The following CEP63 variants were observed in gnomAD, a reference collection of about 807,000 sequenced individuals.
CEP63 encodes centrosomal protein 63.
A neutral mutation model predicts 89.1 loss-of-function variants in CEP63; 84 were observed. That is an observed-to-expected ratio of 0.94 (90% confidence interval 0.79 to 1.13). The LOEUF is 1.13. Among genes scored for constraint, CEP63 ranks in the 50% most tolerant of loss-of-function variants. The pLI is 0.00. For missense variants in CEP63, 838 were observed against 813.3 expected (o/e 1.03, Z -0.37); for synonymous variants, 267 against 272.5 (o/e 0.98, Z 0.20).
At chr3:134,759,647 C>T in the CEP63 span, among the ~76,000 whole-genome samples, 1 of 152,130 alleles carries the variant, frequency 6.6e-6, no homozygotes, top group Non-Finnish European at 1.5e-5. Context: ...TGCTAAGGGG[C>T]AGGGGTCTCT....
At chr3:134,582,434 G>T (rs1232431444) in intron 10 of CEP63, among the ~76,000 whole-genome samples, 2 of 152,024 alleles carry the variant, frequency 1.3e-5, no homozygotes, top group Admixed American at 6.6e-5. Flanking sequence ...GTAATGTTTG[G>T]TTCTCTGTCC....
chr3:134,516,477 C>A (rs970092774), intron 3 of CEP63, among the ~76,000 whole-genome samples: 1 of 152,134 alleles, frequency 6.6e-6, no homozygotes, highest in African/African-American at 2.4e-5. Flanking sequence ...CAGCACAGAC[C>A]CTTTACGGGT....
chr3:134,711,066 A>C, the CEP63 span, among the ~76,000 whole-genome samples: 3 of 152,082 alleles, frequency 2.0e-5, no homozygotes, highest in Non-Finnish European at 2.9e-5. Flanking sequence ...CCAAAATTTT[A>C]TGTACACACA....
the CEP63 span, chr3:134,620,797 C>T: frequency 6.2e-7 from 1 of 1,613,588 alleles, no homozygotes; most frequent in African/African-American, 1.3e-5. Context: ...CTTTCCAGGT[C>T]AGTGTGGGCC....
At chr3:134,756,972 A>G in the CEP63 span, among the ~76,000 whole-genome samples, 1 of 152,188 alleles carries the variant, frequency 6.6e-6, no homozygotes, top group African/African-American at 2.4e-5. Context: ...TAGACCCTGC[A>G]CATGTCTGGG....
chr3:134,725,096 A>G, the CEP63 span, among the ~76,000 whole-genome samples: 1 of 152,204 alleles, frequency 6.6e-6, no homozygotes, highest in Admixed American at 6.5e-5. Flanking sequence ...ACCTGTAAGA[A>G]AAAAAGCATT....
At chr3:134,697,228 A>T in the CEP63 span, among the ~76,000 whole-genome samples, 1 of 152,268 alleles carries the variant, frequency 6.6e-6, no homozygotes, top group Non-Finnish European at 1.5e-5. Flanking sequence ...TAAAACTAGC[A>T]TCAAGGACAG....
the CEP63 span, among the ~76,000 whole-genome samples, chr3:134,642,865 A>G: frequency 6.6e-6 from 1 of 152,216 alleles, no homozygotes; most frequent in Non-Finnish European, 1.5e-5. Flanking sequence ...TCTTGAACAC[A>G]TGACAGCCTT....
the CEP63 span, chr3:134,608,001 C>T: frequency 5.8e-6 from 6 of 1,036,872 alleles, no homozygotes; most frequent in Non-Finnish European, 7.0e-6. Flanking sequence ...TAGGCCTGTT[C>T]TCCTCTCCCA....
the CEP63 span, chr3:134,619,274 C>G: frequency 6.2e-7 from 1 of 1,603,780 alleles, no homozygotes; most frequent in Non-Finnish European, 8.5e-7. Context: ...CTCTATAGGG[C>G]AGGTGAGGGG....
the CEP63 span, among the ~76,000 whole-genome samples, chr3:134,636,589 C>T: frequency 0.026 from 3,952 of 152,318 alleles, 76 homozygotes; most frequent in South Asian, 0.053. Context: ...CCAGCCAACC[C>T]ACCAGCTGAC....
the CEP63 span, among the ~76,000 whole-genome samples, chr3:134,614,320 G>A: frequency 6.6e-6 from 1 of 152,010 alleles, no homozygotes; most frequent in Non-Finnish European, 1.5e-5. Context: ...CAGAATCTTC[G>A]CTTCTACTTT....
the CEP63 span, among the ~76,000 whole-genome samples, chr3:134,721,522 A>G: frequency 6.6e-6 from 1 of 152,080 alleles, no homozygotes; most frequent in Non-Finnish European, 1.5e-5. Context: ...AGTGATGAGA[A>G]CAGACATCCT....
the CEP63 span, chr3:134,608,987 T>C: frequency 1.5e-5 from 14 of 909,312 alleles, no homozygotes; most frequent in South Asian, 2.3e-4. Context: ...TCCTCCTCAG[T>C]GGATGCTTCC....
chr3:134,579,088 T>A (rs930014506), downstream of CEP63, among the ~76,000 whole-genome samples: 7 of 152,264 alleles, frequency 4.6e-5, no homozygotes. Flanking sequence ...AAACAACTGC[T>A]ATCCTGGTGA....
chr3:134,599,290 G>A, the CEP63 span, among the ~76,000 whole-genome samples: 1,220 of 152,248 alleles, frequency 8.0e-3, 13 homozygotes, highest in Middle Eastern at 0.027. Flanking sequence ...TATGCTGCCG[G>A]GTCTCCTTCC....
chr3:134,662,317 A>C, the CEP63 span, among the ~76,000 whole-genome samples: 1 of 151,472 alleles, frequency 6.6e-6, no homozygotes, highest in Non-Finnish European at 1.5e-5. Context: ...TCTTTGAACC[A>C]GGAAGTGTGC....
chr3:134,644,298 C>T, the CEP63 span, among the ~76,000 whole-genome samples: 2 of 152,226 alleles, frequency 1.3e-5, no homozygotes, highest in African/African-American at 4.8e-5. Context: ...ACAGAGTTGT[C>T]CTCAGAGCCT....
chr3:134,512,152 C>T (rs374413042), intron 3 of CEP63, among the ~76,000 whole-genome samples: 8 of 152,312 alleles, frequency 5.3e-5, no homozygotes, highest in South Asian at 2.1e-4. Flanking sequence ...TTACACTGAA[C>T]GGTGTGTTTC....
Sources: allele counts gnomAD v4.1 joint callset (sites outside exome capture counted in the v4.1 genomes callset), GRCh38; gene constraint gnomAD v4.1.1; transcripts MANE v1.5; gene names NCBI Gene and HGNC (gene_info 2026-07-23, HGNC 2026-07-21).